ATP2C1: variants seen among roughly 807,000 people sequenced by gnomAD.
ATP2C1 encodes calcium-transporting ATPase type 2C member 1.
ATP2C1 carries 31 observed loss-of-function variants against 120.5 expected under a neutral mutation model. That is an observed-to-expected ratio of 0.26 (90% confidence interval 0.19 to 0.35). The LOEUF is 0.35. ATP2C1 is among the 10% of genes least tolerant of loss of function. The pLI, the probability that ATP2C1 is intolerant of heterozygous loss-of-function variation, is 1.00. For missense variants in ATP2C1, 731 were observed against 1,107.5 expected, an observed-to-expected ratio of 0.66 and a Z score of 4.83; for synonymous variants, 351 against 358.7, an observed-to-expected ratio of 0.98 and a Z score of 0.24.
At chr3:130,987,291 C>G (rs1036044361) in intron 20 of ATP2C1, among the ~76,000 whole-genome samples, 1 of 151,892 alleles carries the variant, frequency 6.6e-6, no homozygotes, top group Non-Finnish European at 1.5e-5. Flanking sequence ...AGCCACTGCA[C>G]GTAGCCTCGT....
upstream of ATP2C1, among the ~76,000 whole-genome samples, chr3:130,893,561 C>G (rs2069276197): frequency 2.0e-5 from 3 of 152,218 alleles, no homozygotes; most frequent in South Asian, 6.2e-4. Flanking sequence ...GCATGGACAC[C>G]TCGCCCCTTC....
At chr3:130,988,482 C>T (rs938442094) in intron 20 of ATP2C1, among the ~76,000 whole-genome samples, 25 of 152,196 alleles carry the variant, frequency 1.6e-4, no homozygotes, top group African/African-American at 5.1e-4. Flanking sequence ...ACCCAACTGT[C>T]ACAACTGGAT....
At chr3:130,918,346 T>C (rs1015490991) in intron 2 of ATP2C1, 2 of 1,555,100 alleles carry the variant, frequency 1.3e-6, no homozygotes, top group African/African-American at 1.4e-5. Context: ...GATTCAAGAC[T>C]CTTCCCACAC....
At chr3:130,888,918 C>T (rs1014677947) in intron 1 of ATP2C1, among the ~76,000 whole-genome samples, 10 of 152,154 alleles carry the variant, frequency 6.6e-5, no homozygotes, top group Admixed American at 1.3e-4. Context: ...GCTTCTATTC[C>T]GCCATCTTGC....
At chr3:130,952,324 T>G (rs950313340) in intron 8 of ATP2C1, among the ~76,000 whole-genome samples, 1 of 152,172 alleles carries the variant, frequency 6.6e-6, no homozygotes, top group African/African-American at 2.4e-5. Flanking sequence ...TAATAAATAT[T>G]TGTTAAGTGA....
At position 130,934,411 on chromosome 3, in the gene ATP2C1, T is replaced by C. The variant is rs112314930; in HGVS notation, c.235-211T>C. ...AGTTTTAAGTATTGCTATTTAATTT[T>C]TTTTTTCTGAAAAGGAACTGTTAAA... On this transcript the variant is annotated intron_variant, in intron 4 of 27. Transcript: ENST00000510168. Among the ~76,000 whole-genome samples, 734 of 152,228 alleles carry C rather than the reference T, an allele frequency of 4.8e-3. 6 individuals are homozygous for C. Among genetic ancestry groups the C allele is most frequent in the African/African-American group, 0.016 (665 of 41,564 alleles).
chr3:130,950,413 C>T (rs1409001915), intron 8 of ATP2C1, among the ~76,000 whole-genome samples: 1 of 152,078 alleles, frequency 6.6e-6, no homozygotes, highest in African/African-American at 2.4e-5. Context: ...ACCTTTCCCT[C>T]TCTCATGAAT....
upstream of ATP2C1, among the ~76,000 whole-genome samples, chr3:130,892,417 A>G (rs1158401963): frequency 6.6e-6 from 1 of 152,268 alleles, no homozygotes; most frequent in Non-Finnish European, 1.5e-5. Context: ...GTAGACAAAA[A>G]TCACTGACCA....
At chr3:130,868,118 G>GT (rs1325421037) in intron 1 of ATP2C1, 1 of 150,712 alleles carries the variant, frequency 6.6e-6, no homozygotes, top group Non-Finnish European at 1.5e-5. Flanking sequence ...CCGGAGGGAG[G>GT]TGGGGGGGCT....
chr3:130,886,046 C>T (rs1438726240), intron 1 of ATP2C1, among the ~76,000 whole-genome samples: 1 of 152,106 alleles, frequency 6.6e-6, no homozygotes, highest in African/African-American at 2.4e-5. Context: ...AATCCCTCAG[C>T]TTTTGTTTGT....
At chr3:130,932,305 C>T (rs539227649) in intron 4 of ATP2C1, among the ~76,000 whole-genome samples, 167 bp downstream of exon 4, 1 of 151,778 alleles carries the variant, frequency 6.6e-6, no homozygotes, top group Admixed American at 6.6e-5. Context: ...GGTTGGAATT[C>T]CTGTATTTTT....
At chr3:130,989,738 C>T (rs2108858651) in intron 20 of ATP2C1, among the ~76,000 whole-genome samples, 1 of 152,322 alleles carries the variant, frequency 6.6e-6, no homozygotes, top group Non-Finnish European at 1.5e-5. Flanking sequence ...TTGTTCAACA[C>T]ATGAAGTACA....
chr3:131,004,826 A>T (rs1418154044), downstream of ATP2C1, among the ~76,000 whole-genome samples: 1 of 151,582 alleles, frequency 6.6e-6, no homozygotes, highest in African/African-American at 2.4e-5. Context: ...AATGAGTTTG[A>T]CACTGTTAAG....
At chr3:130,892,340 T>C (rs1350064908), upstream of ATP2C1, among the ~76,000 whole-genome samples, 3 of 152,244 alleles carry the variant, frequency 2.0e-5, no homozygotes, top group Non-Finnish European at 4.4e-5. Flanking sequence ...ATATGTACAG[T>C]AATAACTGTT....
At chr3:130,909,509 T>A (rs563298580) in intron 2 of ATP2C1, among the ~76,000 whole-genome samples, 10 of 152,288 alleles carry the variant, frequency 6.6e-5, no homozygotes, top group Non-Finnish European at 1.5e-4. Context: ...CTTCCACTGA[T>A]CATCTTAAGA....
intron 1 of ATP2C1, among the ~76,000 whole-genome samples, chr3:130,870,145 T>C (rs191227008): frequency 2.6e-5 from 4 of 152,146 alleles, no homozygotes; most frequent in Middle Eastern, 3.2e-3. Flanking sequence ...GCTTACTGAA[T>C]ATTTTAAGCC....
At chr3:130,969,467 C>A in intron 17 of ATP2C1, 71 bp downstream of exon 17, 1 of 1,216,892 alleles carries the variant, frequency 8.2e-7, no homozygotes, top group Non-Finnish European at 1.2e-6. Context: ...TACTGTCCAC[C>A]TTTGGGTTTA....
At chr3:130,992,313 C>T (rs1004273986) in intron 20 of ATP2C1, among the ~76,000 whole-genome samples, 2 of 151,872 alleles carry the variant, frequency 1.3e-5, no homozygotes, top group Non-Finnish European at 2.9e-5. Flanking sequence ...TGTGGAAACA[C>T]TAGGTTAGAG....
chr3:130,958,698 A>T (rs908552394), intron 11 of ATP2C1, among the ~76,000 whole-genome samples: 5 of 152,002 alleles, frequency 3.3e-5, no homozygotes, highest in Admixed American at 3.3e-4. Flanking sequence ...GGTTTAATTG[A>T]TTTTTAAATT....
Sources: gnomAD v4.1 joint callset for allele counts (sites outside exome capture counted in the v4.1 genomes callset) on GRCh38, gnomAD v4.1.1 for gene constraint, MANE v1.5 for transcripts, NCBI Gene and HGNC (gene_info 2026-07-23, HGNC 2026-07-21) for gene names.